FAM13C: variants seen among roughly 807,000 people sequenced by gnomAD.
FAM13C encodes family with sequence similarity 13 member C.
Under a neutral mutation model 73.2 loss-of-function variants are expected in FAM13C, and 37 were observed. The ratio of observed to expected loss-of-function variants is 0.51; its 90% CI spans 0.39 to 0.67. FAM13C has a LOEUF of 0.67. Among genes scored for constraint, FAM13C ranks in the 30% least tolerant of loss-of-function variants. FAM13C has a pLI of 0.00. For synonymous variants in FAM13C, 246 were observed against 260.9 expected (o/e 0.94, Z 0.55); for missense variants, 589 against 715.6 (o/e 0.82, Z 2.02).
chr10:59,304,753 A>G (rs953333455), intron 4 of FAM13C, among the ~76,000 whole-genome samples: 2 of 71,548 alleles, frequency 2.8e-5, no homozygotes, highest in Non-Finnish European at 5.8e-5. Context: ...ACTTAAAATA[A>G]ATAAAAAGAG....
chr10:59,294,957 T>C (rs1258445059), intron 5 of FAM13C, among the ~76,000 whole-genome samples: 1 of 152,190 alleles, frequency 6.6e-6, no homozygotes, highest in African/African-American at 2.4e-5. Flanking sequence ...CAGCATCTAA[T>C]TACTTATCTT....
Position 59,276,365 on chromosome 10 carries a change from C to T in FAM13C, c.593-6256G>A, listed in dbSNP as rs1191359182. On this transcript the variant is annotated intron_variant, in intron 6 of 13. Coordinates refer to ENST00000618804, the MANE Select transcript of FAM13C (RefSeq NM_198215.4). ...GGAAAGGAGATATGAGTTCTGAGTA[C>T]AGAAAGAATTCCCAGCTTTTAACAT... Among the ~76,000 whole-genome samples the T allele has an allele frequency of 2.0e-5, 3 of 152,078 alleles. No homozygotes were observed. In the East Asian group the frequency reaches 5.8e-4, roughly 29 times the overall value.
chr10:59,313,204 T>A (rs1035600278), intron 4 of FAM13C, among the ~76,000 whole-genome samples: 2 of 152,234 alleles, frequency 1.3e-5, no homozygotes, highest in Non-Finnish European at 1.5e-5. Flanking sequence ...ATCCATGGAC[T>A]AGGCCTGGTT....
chr10:59,306,497 C>A (rs1418686982), intron 4 of FAM13C, among the ~76,000 whole-genome samples: 2 of 152,120 alleles, frequency 1.3e-5, no homozygotes, highest in African/African-American at 4.8e-5. Context: ...TCTAGTGAAA[C>A]TTAAATGATG....
chr10:59,286,516 A>AATATATATATATATATATATATATAT (rs1159774665), intron 5 of FAM13C, among the ~76,000 whole-genome samples: 105 of 110,900 alleles, frequency 9.5e-4, no homozygotes, highest in African/African-American at 2.1e-3. Context: ...CTCCATCTCA[A>AATATATATATATATATATATATATAT]ATATATATAT....
At chr10:59,282,409 G>A (rs1845027392) in intron 6 of FAM13C, among the ~76,000 whole-genome samples, 1 of 151,964 alleles carries the variant, frequency 6.6e-6, no homozygotes, top group Non-Finnish European at 1.5e-5. Flanking sequence ...TTTAAAATTT[G>A]TTTAAATTGT....
intron 4 of FAM13C, among the ~76,000 whole-genome samples, chr10:59,313,191 GAAATCCATGGACTAGGCCTGGTTCTT>G (rs991302376): frequency 6.6e-6 from 1 of 152,150 alleles, no homozygotes; most frequent in Non-Finnish European, 1.5e-5. Context: ...TGTGATTCCA[GAAATCCATGGACTAGGCCTGGTTCTT>G]ATCCTTCCCA....
chr10:59,322,583 C>T (rs284640), intron 4 of FAM13C, among the ~76,000 whole-genome samples: 61,592 of 152,048 alleles, frequency 0.41, 12,779 homozygotes, highest in African/African-American at 0.5. Context: ...ATTGCTAACG[C>T]CATTTTCCCC....
At chr10:59,280,264 C>T (rs1844782587) in intron 6 of FAM13C, among the ~76,000 whole-genome samples, 1 of 152,128 alleles carries the variant, frequency 6.6e-6, no homozygotes, top group Admixed American at 6.6e-5. Flanking sequence ...CAGTTGGTTA[C>T]CCTTTGTATG....
At chr10:59,295,324 T>C (rs1192484955) in intron 5 of FAM13C, among the ~76,000 whole-genome samples, 2 of 152,184 alleles carry the variant, frequency 1.3e-5, no homozygotes, top group Admixed American at 6.5e-5. Flanking sequence ...TTTCTTCCAG[T>C]TGGTAGCAAA....
At position 59,270,096 on chromosome 10, in the gene FAM13C, G is replaced by A; in HGVS notation, c.606C>T (p.Val202=). Residue 202 remains valine (V), a synonymous_variant, in exon 7 of 14, where the codon GTC becomes GTT. Transcript: ENST00000618804. ...DGTDSADPSP[V]HKDGQNEADS... is the part of the protein sequence containing the mutation. ...CGGCCTCATTCTGCCCATCTTTGTG[G>A]ACTGGTGAGGGGTCTGGGCAAATGA... is the stretch of plus-strand genomic sequence containing the variant. 6.2e-7 allele frequency: 1 copy of A among 1,613,026 alleles called. No homozygotes were observed. Among genetic ancestry groups the A allele is most frequent in the Non-Finnish European group, 8.5e-7 (1 of 1,179,698 alleles).
Position 59,361,862 on chromosome 10 carries a change from G to A in FAM13C, c.62+537C>T, listed in dbSNP as rs72637052. Among the ~76,000 whole-genome samples, 176 of 152,164 alleles carry A rather than the reference G, an allele frequency of 1.2e-3. 3 individuals are homozygous for A. In the East Asian group the frequency reaches 0.031, roughly 27 times the overall value. On this transcript the variant is annotated intron_variant, in intron 1 of 13. Coordinates refer to ENST00000618804, the MANE Select transcript of FAM13C (RefSeq NM_198215.4). ...AACCATAGGACTAGGTGACTCATTC[G>A]TCCCATAGTCACATCTCTGTAGTCA...
chr10:59,351,165 A>G (rs1389222235), intron 3 of FAM13C, among the ~76,000 whole-genome samples: 1 of 151,922 alleles, frequency 6.6e-6, no homozygotes, highest in Non-Finnish European at 1.5e-5. Flanking sequence ...CCCCGTCTCT[A>G]CAAAGAAAAT....
intron 1 of FAM13C, among the ~76,000 whole-genome samples, chr10:59,359,603 A>C (rs1169096112): frequency 1.3e-5 from 2 of 152,202 alleles, no homozygotes; most frequent in South Asian, 2.1e-4. Flanking sequence ...CTCCAGCCCC[A>C]CTACATCAAC....
At chr10:59,347,044 G>A (rs11006442) in intron 3 of FAM13C, among the ~76,000 whole-genome samples, 81,573 of 151,776 alleles carry the variant, frequency 0.54, 23,219 homozygotes, top group Middle Eastern at 0.63. Context: ...TCATTAAATG[G>A]TCCTTATTTA....
intron 2 of FAM13C, among the ~76,000 whole-genome samples, chr10:59,354,523 C>T (rs563983726): frequency 2.0e-5 from 3 of 152,300 alleles, no homozygotes; most frequent in South Asian, 4.1e-4. Flanking sequence ...GCCTGGGCAA[C>T]ATCACTTCAC....
chr10:59,343,926 A>G (rs948916619), intron 3 of FAM13C, among the ~76,000 whole-genome samples: 2 of 151,682 alleles, frequency 1.3e-5, no homozygotes, highest in African/African-American at 4.8e-5. Context: ...AAATGAGTCT[A>G]TAAAATACTC....
chr10:59,287,332 G>A, intron 5 of FAM13C, among the ~76,000 whole-genome samples: 1 of 50,048 alleles, frequency 2.0e-5, no homozygotes, highest in Non-Finnish European at 3.2e-5. Flanking sequence ...GTGAGACTCT[G>A]TCTCAAAAAA....
rs1841549182 is a variant in FAM13C at position 59,253,009 on chromosome 10, G to T, written c.1333-11C>A. 1.2e-6 allele frequency: 2 copies of T among 1,612,544 alleles called. No homozygotes were observed. Among genetic ancestry groups the T allele is most frequent in the Non-Finnish European group, 1.7e-6 (2 of 1,179,632 alleles). On this transcript the variant is annotated splice_polypyrimidine_tract_variant and intron_variant, in intron 11 of 13. Coordinates refer to ENST00000618804, the MANE Select transcript of FAM13C (RefSeq NM_198215.4). The stretch of plus-strand genomic sequence containing the variant: ...GTCCTCTTCCTCCTGCTTATCACAG[G>T]CAGAGTTAAAGAAAGAAAGTCATGT...
Sources: allele counts gnomAD v4.1 joint callset (sites outside exome capture counted in the v4.1 genomes callset), GRCh38; gene constraint gnomAD v4.1.1; transcripts MANE v1.5; gene names NCBI Gene and HGNC (gene_info 2026-07-23, HGNC 2026-07-21).